Variants in AP3S2 observed in about 807,000 individuals in gnomAD.
The protein encoded by AP3S2 is AP-3 complex subunit sigma-2.
Under a neutral mutation model 23.4 loss-of-function variants are expected in AP3S2, and 22 were observed. The observed-to-expected ratio is 0.94, with a 90% confidence interval of 0.67 to 1.34. The LOEUF is 1.34. Ranked by LOEUF, AP3S2 falls within the 40% of genes most tolerant of loss-of-function variation. The probability of loss-of-function intolerance (pLI) is 0.00; values close to 1 mark genes in which losing one functional copy is unlikely to be tolerated. For missense variants in AP3S2, 241 were observed against 236.9 expected (o/e 1.02, Z -0.11); for synonymous variants, 86 against 87.1 (o/e 0.99, Z 0.07).
intron 3 of AP3S2, among the ~76,000 whole-genome samples, chr15:89,873,333 G>A (rs556651995): frequency 6.8e-6 from 1 of 146,468 alleles, no homozygotes; most frequent in Non-Finnish European, 1.5e-5. Flanking sequence ...TGTCCACGCT[G>A]AAGTGCAGTG....
intron 4 of AP3S2, among the ~76,000 whole-genome samples, chr15:89,851,966 G>A (rs8035374): frequency 0.43 from 65,650 of 151,890 alleles, 14,511 homozygotes; most frequent in East Asian, 0.62. Flanking sequence ...TCCTTCCTTG[G>A]TTGCTTATCT....
intron 3 of AP3S2, chr15:89,876,860 G>T: frequency 6.0e-6 from 1 of 167,344 alleles, no homozygotes; most frequent in South Asian, 1.4e-4. Flanking sequence ...CTGCCCTGTT[G>T]GCATCAGGAA....
chr15:89,881,939 A>AC (rs1175301563), intron 3 of AP3S2, among the ~76,000 whole-genome samples: 1 of 151,550 alleles, frequency 6.6e-6, no homozygotes, highest in Non-Finnish European at 1.5e-5. Flanking sequence ...TCCTGCCTCA[A>AC]CCCCCCAAGT....
chr15:89,830,634 G>A lies in AP3S2; in HGVS notation c.*4881C>T, dbSNP rs945027237. 1 of 152,324 alleles carries A rather than the reference G, an allele frequency of 6.6e-6. No individual in the cohort carries two copies. Among genetic ancestry groups the A allele is most frequent in the Non-Finnish European group, 1.5e-5 (1 of 68,140 alleles). 9.4% of individuals were successfully genotyped at this position (152,324 alleles called of 1,614,324 possible). A position where few individuals can be genotyped will look rare whatever the true frequency, so the allele number is the denominator to read the frequency against. ...CAACAGTTATTTATTGAACGCCATG[G>A]ACCAGGTACCGTGCCCAGCAGCTGG... On this transcript the variant is annotated 3_prime_UTR_variant, in exon 6 of 6. Transcript: ENST00000336418.
intron 4 of AP3S2, among the ~76,000 whole-genome samples, chr15:89,844,821 A>G (rs1324517399): frequency 6.6e-6 from 1 of 152,124 alleles, no homozygotes; most frequent in African/African-American, 2.4e-5. Context: ...TTCCATAGTT[A>G]TCTTGCCCAA....
At chr15:89,847,719 A>T (rs1485690929) in intron 4 of AP3S2, among the ~76,000 whole-genome samples, 2 of 152,216 alleles carry the variant, frequency 1.3e-5, no homozygotes, top group Non-Finnish European at 2.9e-5. Context: ...TATTTAAATT[A>T]CCTTTTACTC....
rs1184500495 is a variant in AP3S2, at chr15:89,859,261, TTTTTTTCTTTTCTTTCTTTCC to T, written c.345+12193_345+12213del. ...TCTTTCTTTTTCCCTCCTTCCTTCC[TTTTTTTCTTTTCTTTCTTTCC>T]TTTTTTCTTTTCTTTTTCTTCCTTC... On this transcript the variant is annotated intron_variant, in intron 4 of 5. Coordinates refer to ENST00000336418, the MANE Select transcript of AP3S2 (RefSeq NM_005829.5). Among the ~76,000 whole-genome samples, 239 of 151,076 alleles carry T rather than the reference TTTTTTTCTTTTCTTTCTTTCC, an allele frequency of 1.6e-3. 1 individual carries two copies. The highest frequency in any genetic ancestry group is 5.6e-3 in the African/African-American group (230 of 41,214).
At chr15:89,876,715 G>T (rs1416784423) in intron 3 of AP3S2, 1 of 153,296 alleles carries the variant, frequency 6.5e-6, no homozygotes, top group Non-Finnish European at 1.5e-5. Flanking sequence ...ACTAGGCAAA[G>T]AAATTACAAG....
chr15:89,840,127 C>T (rs930972345), intron 4 of AP3S2, among the ~76,000 whole-genome samples: 19 of 152,082 alleles, frequency 1.2e-4, no homozygotes, highest in African/African-American at 4.6e-4. Context: ...GCTCTGGAGA[C>T]GGATGGTGGT....
At chr15:89,893,512 C>T (rs1187590449) in intron 1 of AP3S2, 2 of 399,280 alleles carry the variant, frequency 5.0e-6, no homozygotes, top group Non-Finnish European at 8.8e-6. Context: ...ATATTTCTTC[C>T]TCATGAAACT....
intron 4 of AP3S2, among the ~76,000 whole-genome samples, 187 bp downstream of exon 4, chr15:89,871,288 A>G (rs969423139): frequency 2.0e-5 from 3 of 152,204 alleles, no homozygotes; most frequent in African/African-American, 7.2e-5. Context: ...TAAAACTGTT[A>G]GTAGATCTTA....
chr15:89,862,515 A>G (rs1456172592), intron 4 of AP3S2, among the ~76,000 whole-genome samples: 1 of 152,236 alleles, frequency 6.6e-6, no homozygotes, highest in African/African-American at 2.4e-5. Context: ...ATGTATATAG[A>G]CATAAAAGCA....
intron 4 of AP3S2, chr15:89,845,539 A>G (rs1895465430): frequency 6.6e-6 from 1 of 152,236 alleles, no homozygotes; most frequent in Non-Finnish European, 1.5e-5. Flanking sequence ...CACTGAACTC[A>G]TGTACCTAAA....
chr15:89,880,347 C>T (rs964742164), intron 3 of AP3S2, among the ~76,000 whole-genome samples: 3 of 152,082 alleles, frequency 2.0e-5, no homozygotes, highest in African/African-American at 7.2e-5. Flanking sequence ...TGAAAAACAA[C>T]TGCCACAAAG....
At chr15:89,871,420 A>C in intron 4 of AP3S2, 55 bp downstream of exon 4, 1 of 1,558,682 alleles carries the variant, frequency 6.4e-7, no homozygotes, top group Non-Finnish European at 8.7e-7. Flanking sequence ...CAGATGCCCA[A>C]GGCTCTTGGT....
At chr15:89,870,160 A>G (rs909887998) in intron 4 of AP3S2, among the ~76,000 whole-genome samples, 2 of 152,206 alleles carry the variant, frequency 1.3e-5, no homozygotes, top group East Asian at 3.8e-4. Context: ...CCTCTAGTAC[A>G]AAAGGGAACT....
chr15:89,837,536 A>AACC, intron 5 of AP3S2, 79 bp downstream of exon 5: 1 of 1,549,694 alleles, frequency 6.5e-7, no homozygotes, highest in Non-Finnish European at 8.9e-7. Context: ...CAGCAACACA[A>AACC]ACCAACACAT....
rs1896877885 is a variant in AP3S2 at position 89,893,876 on chromosome 15, C to T, written c.69+5G>A. 1 of 1,551,694 alleles carries T rather than the reference C, an allele frequency of 6.4e-7. No individual in the cohort carries two copies. The highest frequency in any genetic ancestry group is 1.2e-5 in the South Asian group (1 of 84,058). On this transcript the variant is annotated splice_donor_5th_base_variant and intron_variant, in intron 1 of 5. Transcript: ENST00000336418. ...AGGGGCGTGGTGAAGCCGGGCCGCA[C>T]TCACGAAACGCTGGTAGAAGCGGAC...
At chr15:89,871,452 A>T in intron 4 of AP3S2, 23 bp downstream of exon 4, 1 of 1,604,070 alleles carries the variant, frequency 6.2e-7, no homozygotes, top group Non-Finnish European at 8.5e-7. Context: ...CCTAGTTTGG[A>T]AGAGAACTGC....
Sources: allele counts gnomAD v4.1 joint callset (sites outside exome capture counted in the v4.1 genomes callset), GRCh38; gene constraint gnomAD v4.1.1; transcripts MANE v1.5; gene names NCBI Gene and HGNC (gene_info 2026-07-23, HGNC 2026-07-21).